NBAS: variants seen among roughly 807,000 people sequenced by gnomAD.
NBAS encodes the protein NBAS subunit of NRZ tethering complex.
Under a neutral mutation model 302.5 loss-of-function variants are expected in NBAS, and 219 were observed. That is an observed-to-expected ratio of 0.72 (90% confidence interval 0.65 to 0.81). The LOEUF (loss-of-function observed/expected upper bound fraction) is 0.81, where lower values mean the gene tolerates loss of function less well. Ranked by LOEUF, NBAS falls within the 30% of genes least tolerant of loss-of-function variation. NBAS has a pLI of 0.00. For synonymous variants in NBAS, 1,118 were observed against 1,021.6 expected (o/e 1.09, Z -1.80); for missense variants, 2,932 against 2,841.6 (o/e 1.03, Z -0.72).
the NBAS span, among the ~76,000 whole-genome samples, chr2:14,872,628 G>C: frequency 1.3e-5 from 2 of 151,874 alleles, no homozygotes; most frequent in Non-Finnish European, 2.9e-5. Context: ...TTAGACCTTC[G>C]GGGTGAGTGT....
the NBAS span, among the ~76,000 whole-genome samples, chr2:15,038,441 T>G: frequency 6.7e-6 from 1 of 149,158 alleles, no homozygotes; most frequent in Non-Finnish European, 1.5e-5. Flanking sequence ...GGAAAGAACT[T>G]CTATTTGATT....
chr2:15,468,466 G>A lies in NBAS; in HGVS notation c.1793C>T (p.Ala598Val). 1 of 1,613,962 alleles carries A rather than the reference G, an allele frequency of 6.2e-7. No homozygotes were observed. Among genetic ancestry groups the A allele is most frequent in the Non-Finnish European group, 8.5e-7 (1 of 1,179,930 alleles). The part of the protein sequence containing the change: ...CLERVPENVD[A>V]AKELLQYGLK... The stretch of plus-strand genomic sequence containing the variant: ...TCCATACTGAAGCAGTTCTTTTGCA[G>A]CATCCACATTTTCAGGAACTCTTTC... The change falls in exon 17 of 52, where the codon GCT (alanine) becomes GTT (valine). Residue 598 changes from alanine (A) to valine (V), a missense_variant. By Grantham distance (64) the Ala-to-Val change is moderately conservative. Transcript: ENST00000281513.
intron 23 of NBAS, among the ~76,000 whole-genome samples, chr2:15,419,986 A>G (rs1677134192): frequency 6.6e-6 from 1 of 152,180 alleles, no homozygotes; most frequent in South Asian, 2.1e-4. Context: ...TGCTAGGATT[A>G]CAGGCATAAG....
chr2:15,024,211 A>G, the NBAS span, among the ~76,000 whole-genome samples: 1 of 64,114 alleles, frequency 1.6e-5, no homozygotes, highest in Non-Finnish European at 3.0e-5. Context: ...CTTATAAGTA[A>G]GAACATGCAG....
chr2:15,112,977 C>T, the NBAS span, among the ~76,000 whole-genome samples: 5 of 151,956 alleles, frequency 3.3e-5, no homozygotes, highest in South Asian at 4.1e-4. Flanking sequence ...AAGAAGAGAA[C>T]GTAGCAAATT....
At chr2:14,914,886 C>A in the NBAS span, among the ~76,000 whole-genome samples, 1 of 152,178 alleles carries the variant, frequency 6.6e-6, no homozygotes, top group African/African-American at 2.4e-5. Context: ...TTGGAGATAT[C>A]TAATAAGTAA....
chr2:15,443,260 A>C (rs1678534659), intron 21 of NBAS, among the ~76,000 whole-genome samples: 1 of 151,944 alleles, frequency 6.6e-6, no homozygotes, highest in East Asian at 1.9e-4. Context: ...TCAATAAAAT[A>C]CTGGCAAACC....
At chr2:15,027,459 T>C in the NBAS span, among the ~76,000 whole-genome samples, 1 of 151,676 alleles carries the variant, frequency 6.6e-6, no homozygotes, top group Non-Finnish European at 1.5e-5. Context: ...TAGAGAAAAG[T>C]CATTAATTTT....
chr2:14,907,064 G>T, the NBAS span, among the ~76,000 whole-genome samples: 1 of 152,158 alleles, frequency 6.6e-6, no homozygotes, highest in African/African-American at 2.4e-5. Context: ...TGTCAGCCTT[G>T]TACCCAATGC....
At position 15,179,049 on chromosome 2, in the gene NBAS, A is replaced by G; in HGVS notation, c.6779T>C (p.Leu2260Pro). The change falls in exon 51 of 52, where the codon CTC (leucine) becomes CCC (proline). Residue 2260 changes from leucine to proline, a missense_variant. By Grantham distance (98) the Leu-to-Pro change is moderately conservative. Transcript: ENST00000281513. ...SLLLPSLKLL[L>P]ESRDEHLHEM... ...GTGCAGATGCTCATCTCGGCTCTCGAGGAGAAGTTTCAGAGATGGAAGCAG... is the reference window on the plus strand; with the variant it reads ...GTGCAGATGCTCATCTCGGCTCTCGGGGAGAAGTTTCAGAGATGGAAGCAG... 6.2e-7 allele frequency: 1 copy of G among 1,613,994 alleles called. No homozygotes were observed. Among genetic ancestry groups the G allele is most frequent in the South Asian group, 1.1e-5 (1 of 91,064 alleles).
chr2:15,309,030 T>C (rs1671157921), intron 39 of NBAS, 141 bp downstream of exon 39: 1 of 346,408 alleles, frequency 2.9e-6, no homozygotes. Context: ...AATAAATACA[T>C]AAATAAATAA....
At chr2:14,826,647 T>C in the NBAS span, among the ~76,000 whole-genome samples, 3 of 152,166 alleles carry the variant, frequency 2.0e-5, no homozygotes, top group Non-Finnish European at 2.9e-5. Context: ...CAACAAACAC[T>C]GTGGTGTTTT....
intron 6 of NBAS, among the ~76,000 whole-genome samples, chr2:15,542,037 C>G (rs1332913274): frequency 1.2e-5 from 1 of 83,108 alleles, no homozygotes; most frequent in East Asian, 2.2e-4. Flanking sequence ...CCAGCCGCCC[C>G]GTCCAGGAGG....
intron 51 of NBAS, among the ~76,000 whole-genome samples, chr2:15,174,415 G>A (rs564312417): frequency 1.5e-4 from 23 of 152,276 alleles, no homozygotes; most frequent in African/African-American, 5.3e-4. Flanking sequence ...AATCCCCAGG[G>A]CAGGACTAAG....
the NBAS span, among the ~76,000 whole-genome samples, chr2:15,074,462 A>C: frequency 6.6e-6 from 1 of 151,924 alleles, no homozygotes. Flanking sequence ...AATATCAAGG[A>C]AAAAATAATG....
intron 26 of NBAS, chr2:15,397,450 T>C: frequency 2.1e-6 from 1 of 466,222 alleles, no homozygotes; most frequent in Non-Finnish European, 3.9e-6. Flanking sequence ...TGGGCTTTGG[T>C]GGGGGTTGTG....
rs116352331 is a variant in NBAS at position 15,387,054 on chromosome 2, G to A, written c.3258-3737C>T. ...CATTAAATAATGTAAATAACAATTC[G>A]TAAATAAATGCACAATTATAAAGTA... On this transcript the variant is annotated intron_variant, in intron 28 of 51. Coordinates refer to ENST00000281513, the MANE Select transcript of NBAS (RefSeq NM_015909.4). 6.8e-3 allele frequency among the ~76,000 whole-genome samples: 1,027 copies of A among 151,164 alleles called. 8 individuals carry two copies. The highest frequency in any genetic ancestry group is 0.01 in the Middle Eastern group (3 of 286).
chr2:14,861,581 C>T, the NBAS span, among the ~76,000 whole-genome samples: 1 of 152,252 alleles, frequency 6.6e-6, no homozygotes, highest in South Asian at 2.1e-4. Flanking sequence ...ACTGAGCAGA[C>T]ATAGCTCTTC....
the NBAS span, among the ~76,000 whole-genome samples, chr2:15,077,929 G>A: frequency 4.6e-5 from 7 of 151,912 alleles, no homozygotes; most frequent in East Asian, 1.9e-4. Context: ...TGATCTGCCC[G>A]CCTCAGCCTC....
Sources: allele counts gnomAD v4.1 joint callset (sites outside exome capture counted in the v4.1 genomes callset), GRCh38; gene constraint gnomAD v4.1.1; transcripts MANE v1.5; gene names NCBI Gene and HGNC (gene_info 2026-07-23, HGNC 2026-07-21).